Variants in RAD51B observed in about 807,000 individuals in gnomAD.
The protein encoded by RAD51B is RAD51 paralog B.
RAD51B carries 38 observed loss-of-function variants against 42.2 expected under a neutral mutation model. The observed-to-expected ratio is 0.90, with a 90% CI of 0.70 to 1.18. The LOEUF (loss-of-function observed/expected upper bound fraction) is 1.18. Ranked by LOEUF, RAD51B falls within the 50% of genes most tolerant of loss-of-function variation. The pLI, the probability that RAD51B is intolerant of heterozygous loss-of-function variation, is 0.00. For synonymous variants in RAD51B, 154 were observed against 145.2 expected, an observed-to-expected ratio of 1.06 and a Z score of -0.43; for missense variants, 373 against 400.7, an observed-to-expected ratio of 0.93 and a Z score of 0.59.
intron 7 of RAD51B, among the ~76,000 whole-genome samples, chr14:67,990,865 C>G (rs77852682): frequency 6.6e-6 from 1 of 152,090 alleles, no homozygotes; most frequent in East Asian, 1.9e-4. Flanking sequence ...ATCAAGCTAC[C>G]CTTTTTTTCT....
chr14:68,109,924 A>T (rs928351774), intron 7 of RAD51B, among the ~76,000 whole-genome samples: 12 of 152,002 alleles, frequency 7.9e-5, no homozygotes, highest in African/African-American at 2.9e-4. Context: ...CTTAAACTCA[A>T]AGAGGAATAT....
At chr14:68,264,520 G>T (rs545799808) in intron 7 of RAD51B, among the ~76,000 whole-genome samples, 1 of 152,216 alleles carries the variant, frequency 6.6e-6, no homozygotes, top group Non-Finnish European at 1.5e-5. Context: ...GGAGTTATCT[G>T]GGACCTCATT....
At chr14:68,268,350 A>G (rs1244966523) in intron 7 of RAD51B, among the ~76,000 whole-genome samples, 2 of 152,240 alleles carry the variant, frequency 1.3e-5, no homozygotes, top group Non-Finnish European at 2.9e-5. Context: ...ACTGATCACC[A>G]GCACGTCACT....
intron 7 of RAD51B, among the ~76,000 whole-genome samples, chr14:68,043,841 T>G (rs185917000): frequency 1.1e-3 from 162 of 152,330 alleles, no homozygotes; most frequent in African/African-American, 3.8e-3. Context: ...TTGCCAAAGA[T>G]GGCAAAACCC....
intron 10 of RAD51B, chr14:68,498,009 A>G (rs544606066): frequency 6.3e-4 from 112 of 177,040 alleles, no homozygotes; most frequent in African/African-American, 2.5e-3. Context: ...CCTATTTTCA[A>G]TTTTTTAAGG....
intron 8 of RAD51B, among the ~76,000 whole-genome samples, chr14:68,313,868 G>C (rs2082008094): frequency 6.6e-6 from 1 of 152,188 alleles, no homozygotes; most frequent in South Asian, 2.1e-4. Flanking sequence ...TTCACTACCA[G>C]GATTCTTAGT....
intron 10 of RAD51B, among the ~76,000 whole-genome samples, chr14:68,533,302 T>C (rs1887425760): frequency 6.6e-6 from 1 of 152,174 alleles, no homozygotes; most frequent in Non-Finnish European, 1.5e-5. Flanking sequence ...ACTGAGATTG[T>C]AGCTGGAGGG....
At chr14:68,335,316 AAAG>A (rs1210900630) in intron 8 of RAD51B, among the ~76,000 whole-genome samples, 1 of 149,816 alleles carries the variant, frequency 6.7e-6, no homozygotes, top group Non-Finnish European at 1.5e-5. Context: ...AAAAAAAAGA[AAAG>A]AAAAAAGAAA....
intron 7 of RAD51B, among the ~76,000 whole-genome samples, chr14:68,241,204 T>A (rs759163182): frequency 1.3e-5 from 2 of 152,248 alleles, no homozygotes; most frequent in Non-Finnish European, 2.9e-5. Context: ...TTTCCTTTTT[T>A]CTCTTCTTTC....
At chr14:68,064,686 G>A (rs1304799137) in intron 7 of RAD51B, among the ~76,000 whole-genome samples, 1 of 150,022 alleles carries the variant, frequency 6.7e-6, no homozygotes, top group Non-Finnish European at 1.5e-5. Flanking sequence ...TTATTCTTTT[G>A]TCTGAGTTAT....
intron 7 of RAD51B, among the ~76,000 whole-genome samples, chr14:68,013,349 G>T (rs2075719720): frequency 6.6e-6 from 1 of 152,244 alleles, no homozygotes. Flanking sequence ...ATTTTGCTCT[G>T]TTGGCCAGAA....
chr14:68,504,662 C>CCTTTTTTTTTTTTTTT (rs1885163065), intron 10 of RAD51B, among the ~76,000 whole-genome samples: 1 of 90,434 alleles, frequency 1.1e-5, no homozygotes, highest in Non-Finnish European at 2.1e-5. Context: ...TTTTTTCTTT[C>CCTTTTTTTTTTTTTTT]TTTTTTTTTT....
chr14:68,289,760 T>C (rs1435008561), intron 7 of RAD51B, among the ~76,000 whole-genome samples: 2 of 151,598 alleles, frequency 1.3e-5, no homozygotes, highest in African/African-American at 2.4e-5. Flanking sequence ...TTTATACTCA[T>C]AGAGCTGAAC....
chr14:68,431,964 T>C (rs1210562085), intron 9 of RAD51B, among the ~76,000 whole-genome samples: 3 of 152,240 alleles, frequency 2.0e-5, no homozygotes, highest in Admixed American at 6.5e-5. Flanking sequence ...TTGTTCTCAC[T>C]GGTTTCAAAG....
intron 10 of RAD51B, among the ~76,000 whole-genome samples, chr14:68,642,022 T>G (rs762704034): frequency 2.0e-4 from 30 of 152,228 alleles, no homozygotes; most frequent in Non-Finnish European, 3.7e-4. Context: ...TGTTGAGGAT[T>G]TTTACATCCA....
intron 10 of RAD51B, among the ~76,000 whole-genome samples, chr14:68,534,949 G>A (rs1566929427): frequency 6.6e-6 from 1 of 151,364 alleles, no homozygotes; most frequent in African/African-American, 2.4e-5. Context: ...TATTATTATT[G>A]TTATTATTAT....
chr14:68,078,126 CT>C (rs1457200883), intron 7 of RAD51B, among the ~76,000 whole-genome samples: 1 of 152,052 alleles, frequency 6.6e-6, no homozygotes, highest in Non-Finnish European at 1.5e-5. Flanking sequence ...CAATTATAGT[CT>C]TTATTTTCAT....
At chr14:68,389,172 A>G (rs1056045193) in intron 8 of RAD51B, among the ~76,000 whole-genome samples, 38 of 152,212 alleles carry the variant, frequency 2.5e-4, no homozygotes, top group African/African-American at 8.4e-4. Context: ...CGTAGTGTAT[A>G]GCTCCATGAA....
At chr14:68,213,946 T>A (rs2079762032) in intron 7 of RAD51B, among the ~76,000 whole-genome samples, 1 of 152,208 alleles carries the variant, frequency 6.6e-6, no homozygotes, top group African/African-American at 2.4e-5. Flanking sequence ...TCTCATTCCC[T>A]GTTGAGAAAT....
Sources: allele counts gnomAD v4.1 joint callset (sites outside exome capture counted in the v4.1 genomes callset), GRCh38; gene constraint gnomAD v4.1.1; transcripts MANE v1.5; gene names NCBI Gene and HGNC (gene_info 2026-07-23, HGNC 2026-07-21).